MYLK: variants seen among roughly 807,000 people sequenced by gnomAD.
MYLK encodes the protein myosin light chain kinase, smooth muscle.
Under a neutral mutation model 203.4 loss-of-function variants are expected in MYLK, and 106 were observed. The observed-to-expected ratio is 0.52, with a 90% CI of 0.45 to 0.61. The LOEUF (loss-of-function observed/expected upper bound fraction) is 0.61, where lower values mean the gene tolerates loss of function less well. MYLK is among the 20% of genes least tolerant of loss of function. The pLI, the probability that MYLK is intolerant of heterozygous loss-of-function variation, is 0.00. For missense variants in MYLK, 2,072 were observed against 2,442.3 expected (o/e 0.85, Z 3.20); for synonymous variants, 867 against 959.5 (o/e 0.90, Z 1.78).
intron 32 of MYLK, 121 bp from the exon 33 acceptor site, chr3:123,618,891 A>C: frequency 7.5e-7 from 1 of 1,336,356 alleles, no homozygotes. Context: ...CAGCTTTGAG[A>C]ACTGAATCAT....
At chr3:123,755,249 T>A (rs9842667) in intron 4 of MYLK, among the ~76,000 whole-genome samples, 136,560 of 152,246 alleles carry the variant, frequency 0.9, 62,986 homozygotes, top group East Asian at 1. Context: ...GCAAGCATAC[T>A]GGCCCCCTGC....
rs760516695 is a variant in MYLK, at chr3:123,618,711, A to G, written c.5428T>C (p.Tyr1810His). ...VAEEKPHVKP[Y>H]FSKTIRDLEV... ...AAATCGCGAATGGTCTTAGAGAAAT[A>G]GGGTTTTACATGAGGCTTTTCCTCA... Residue 1810 changes from tyrosine to histidine, a missense_variant, in exon 33 of 34, where the codon TAT becomes CAT. By Grantham distance (83) the Tyr-to-His change is moderately conservative (BLOSUM62 2). Coordinates refer to ENST00000360304, the MANE Select transcript of MYLK (RefSeq NM_053025.4). The G allele has an allele frequency of 3.1e-6, 5 of 1,614,186 alleles. No individual in the cohort carries two copies. In the Admixed American group the frequency reaches 8.3e-5, roughly 27 times the overall value.
chr3:123,637,966 C>G (rs1195244911), intron 29 of MYLK, 105 bp downstream of exon 29: 2 of 1,545,702 alleles, frequency 1.3e-6, no homozygotes, highest in Non-Finnish European at 8.9e-7. Context: ...GGCTCCCCAT[C>G]ATGACAATGG....
rs1040750435 is a variant in MYLK, at chr3:123,611,374, G to C, written c.*2731C>G. The C allele has an allele frequency of 5.3e-5, 8 of 152,100 alleles. No homozygotes were observed. The highest frequency in any genetic ancestry group is 1.0e-4 in the Non-Finnish European group (7 of 68,018). 9.4% of individuals were successfully genotyped at this position (152,100 alleles called of 1,614,324 possible). On this transcript the variant is annotated 3_prime_UTR_variant, in exon 34 of 34. Transcript: ENST00000360304. ...TATGAAGGTATGGATAAAGCATTTGGCTGCCAATAATGAACTGCACCAAAG... is the reference window on the plus strand; with the variant it reads ...TATGAAGGTATGGATAAAGCATTTGCCTGCCAATAATGAACTGCACCAAAG...
At chr3:123,730,487 T>G (rs1177476565) in intron 11 of MYLK, among the ~76,000 whole-genome samples, 1 of 152,146 alleles carries the variant, frequency 6.6e-6, no homozygotes. Context: ...AGCTAAAAAG[T>G]AGAAACAACC....
At chr3:123,852,660 C>T (rs552223911) in intron 2 of MYLK, among the ~76,000 whole-genome samples, 141 of 152,012 alleles carry the variant, frequency 9.3e-4, no homozygotes, top group Non-Finnish European at 1.4e-3. Flanking sequence ...ATCAATTTTG[C>T]TGATCTTTTC....
intron 4 of MYLK, among the ~76,000 whole-genome samples, chr3:123,789,005 C>T (rs2064660581): frequency 6.6e-6 from 1 of 152,102 alleles, no homozygotes; most frequent in African/African-American, 2.4e-5. Context: ...GTAATTTCAG[C>T]ATTTTTCCCA....
At chr3:123,809,370 C>A (rs1457008973) in intron 3 of MYLK, among the ~76,000 whole-genome samples, 1 of 152,056 alleles carries the variant, frequency 6.6e-6, no homozygotes, top group Non-Finnish European at 1.5e-5. Context: ...ACTAAAAATA[C>A]AAAAAGGTAG....
At position 123,637,115 on chromosome 3, in the gene MYLK, T is replaced by C. The variant is rs186988934; in HGVS notation, c.4961+956A>G. Among the ~76,000 whole-genome samples the C allele has an allele frequency of 4.6e-5, 7 of 152,322 alleles. 1 individual carries two copies. The highest frequency in any genetic ancestry group is 3.9e-4 in the Admixed American group (6 of 15,304). On this transcript the variant is annotated intron_variant, in intron 29 of 33. Coordinates refer to ENST00000360304, the MANE Select transcript of MYLK (RefSeq NM_053025.4). Reference sequence around the variant, plus strand: ...TTCTATGAAAATGTTAAATTTTTCCTTTTGTTCTGACAGTAAAAACATTAT... The same window carrying C: ...TTCTATGAAAATGTTAAATTTTTCCCTTTGTTCTGACAGTAAAAACATTAT...
chr3:123,812,370 A>C (rs1004879781), intron 3 of MYLK, among the ~76,000 whole-genome samples: 3 of 152,184 alleles, frequency 2.0e-5, no homozygotes, highest in African/African-American at 7.2e-5. Context: ...CCCCACTGAA[A>C]GTCAGGTTTC....
At chr3:123,844,594 C>G (rs2066666404) in intron 2 of MYLK, among the ~76,000 whole-genome samples, 1 of 151,974 alleles carries the variant, frequency 6.6e-6, no homozygotes, top group African/African-American at 2.4e-5. Context: ...AAGACAGGAG[C>G]AATTGACCAC....
chr3:123,863,360 A>C (rs1364618742), intron 2 of MYLK, among the ~76,000 whole-genome samples: 1 of 139,712 alleles, frequency 7.2e-6, no homozygotes, highest in East Asian at 2.1e-4. Flanking sequence ...AAAAAAAAAT[A>C]GCCTTGCCAA....
chr3:123,706,663 TCA>T (rs1283752388), intron 16 of MYLK, among the ~76,000 whole-genome samples: 1 of 152,128 alleles, frequency 6.6e-6, no homozygotes, highest in African/African-American at 2.4e-5. Context: ...CATTTCTGAA[TCA>T]CATTCATCTA....
intron 2 of MYLK, among the ~76,000 whole-genome samples, chr3:123,841,886 G>A (rs1318367418): frequency 6.6e-6 from 1 of 152,086 alleles, no homozygotes; most frequent in African/African-American, 2.4e-5. Context: ...AGAGACTAGA[G>A]ACAGGGGTTA....
At chr3:123,728,417 G>A (rs1169931833) in intron 11 of MYLK, among the ~76,000 whole-genome samples, 1 of 152,146 alleles carries the variant, frequency 6.6e-6, no homozygotes, top group Non-Finnish European at 1.5e-5. Flanking sequence ...TGAGGCAGGA[G>A]GATTGCTTGA....
chr3:123,651,899 A>C (rs1220915752), intron 24 of MYLK, among the ~76,000 whole-genome samples: 2 of 152,250 alleles, frequency 1.3e-5, no homozygotes, highest in Non-Finnish European at 2.9e-5. Context: ...AAGGAATTCC[A>C]GCCCCTCTTT....
intron 27 of MYLK, among the ~76,000 whole-genome samples, chr3:123,645,102 T>C (rs945719547): frequency 2.0e-5 from 3 of 151,854 alleles, no homozygotes; most frequent in Non-Finnish European, 4.4e-5. Context: ...AAAAAGTCAA[T>C]GTATCATACT....
At chr3:123,615,912 G>T (rs943947296) in intron 33 of MYLK, among the ~76,000 whole-genome samples, 3 of 152,202 alleles carry the variant, frequency 2.0e-5, no homozygotes, top group Admixed American at 2.0e-4. Flanking sequence ...GCCTTCCAAA[G>T]TGTTGGGATT....
chr3:123,622,274 A>G (rs1300153691), intron 31 of MYLK: 3 of 152,388 alleles, frequency 2.0e-5, no homozygotes, highest in Middle Eastern at 3.4e-3. Context: ...CCAACAAGGG[A>G]CAGGTTAGTT....
Sources: gnomAD v4.1 joint callset for allele counts (sites outside exome capture counted in the v4.1 genomes callset) on GRCh38, gnomAD v4.1.1 for gene constraint, MANE v1.5 for transcripts, NCBI Gene and HGNC (gene_info 2026-07-23, HGNC 2026-07-21) for gene names.